Variants in SYCP1 observed in about 807,000 individuals in gnomAD.
The protein encoded by SYCP1 is synaptonemal complex protein 1.
SYCP1 carries 64 observed loss-of-function variants against 153.1 expected under a neutral mutation model. The observed-to-expected ratio is 0.42, with a 90% CI of 0.34 to 0.51. SYCP1 has a LOEUF of 0.51. Among genes scored for constraint, SYCP1 ranks in the 20% least tolerant of loss-of-function variants. The pLI, the probability that SYCP1 is intolerant of heterozygous loss-of-function variation, is 0.06. For missense variants in SYCP1, 997 were observed against 1,049.0 expected (o/e 0.95, Z 0.68); for synonymous variants, 384 against 341.8 (o/e 1.12, Z -1.36).
At chr1:114,872,148 C>T (rs951656654) in intron 8 of SYCP1, among the ~76,000 whole-genome samples, 1 of 151,354 alleles carries the variant, frequency 6.6e-6, no homozygotes, top group Non-Finnish European at 1.5e-5. Flanking sequence ...AGCTGTTGCT[C>T]TTTTTTTTCT....
At chr1:114,914,340 A>T (rs1363569920) in intron 20 of SYCP1, among the ~76,000 whole-genome samples, 1 of 151,904 alleles carries the variant, frequency 6.6e-6, no homozygotes. Context: ...AAAATATAGA[A>T]ATCTTAAAAA....
At chr1:114,930,074 T>C (rs1408734253) in intron 23 of SYCP1, among the ~76,000 whole-genome samples, 1 of 151,944 alleles carries the variant, frequency 6.6e-6, no homozygotes, top group Non-Finnish European at 1.5e-5. Context: ...GAATTAAACA[T>C]CAGACTAATA....
intron 17 of SYCP1, among the ~76,000 whole-genome samples, chr1:114,911,122 A>G (rs995654478): frequency 2.0e-5 from 3 of 151,914 alleles, no homozygotes; most frequent in Admixed American, 6.6e-5. Flanking sequence ...TATAATAATA[A>G]GAACATTTTA....
chr1:114,896,726 G>A (rs1667082730), intron 16 of SYCP1, among the ~76,000 whole-genome samples: 1 of 152,198 alleles, frequency 6.6e-6, no homozygotes, highest in Non-Finnish European at 1.5e-5. Context: ...TTTGTTGAAT[G>A]AATACTAAAG....
intron 27 of SYCP1, among the ~76,000 whole-genome samples, chr1:114,965,070 G>A (rs192482450): frequency 1.3e-5 from 2 of 152,162 alleles, no homozygotes; most frequent in South Asian, 2.1e-4. Flanking sequence ...CCTTGAAGAG[G>A]TCCTTCACAT....
intron 12 of SYCP1, among the ~76,000 whole-genome samples, chr1:114,880,303 T>C (rs183451396): frequency 6.6e-6 from 1 of 152,340 alleles, no homozygotes; most frequent in East Asian, 1.9e-4. Context: ...CATTCCCTTC[T>C]TCCTGCAGCT....
At chr1:114,962,275 T>G (rs1671830723) in intron 27 of SYCP1, among the ~76,000 whole-genome samples, 1 of 152,104 alleles carries the variant, frequency 6.6e-6, no homozygotes, top group Admixed American at 6.6e-5. Flanking sequence ...TGTGAGCCAC[T>G]GCACCCAACA....
At chr1:114,970,468 T>C (rs1203875143) in intron 27 of SYCP1, among the ~76,000 whole-genome samples, 1 of 152,184 alleles carries the variant, frequency 6.6e-6, no homozygotes, top group Non-Finnish European at 1.5e-5. Context: ...GTGTGATCTT[T>C]TGATGGTGTT....
At chr1:114,885,391 T>C in intron 12 of SYCP1, 144 bp from the exon 13 acceptor site, 1 of 484,364 alleles carries the variant, frequency 2.1e-6, no homozygotes, top group Non-Finnish European at 3.7e-6. Context: ...GTGACCAATA[T>C]TTGTGTGTCT....
In SYCP1 at chr1:114,944,858, TG is replaced by T; in HGVS notation, c.2044-13del. On this transcript the variant is annotated splice_polypyrimidine_tract_variant and intron_variant, in intron 24 of 31. Transcript: ENST00000369522. ...TTTATTTTAAGAAACTTTTTTTTTT[TG>T]CTTATTTGATAGGTTGAGAAAGCAA... is the stretch of plus-strand genomic sequence containing the variant. The T allele has an allele frequency of 2.6e-6, 4 of 1,530,398 alleles. No homozygotes were observed. The highest frequency in any genetic ancestry group is 1.4e-5 in the African/African-American group (1 of 71,208). The allele number at this position is 1,530,398 out of a possible 1,614,324, so 94.8% of individuals were successfully genotyped here.
At chr1:114,994,847 C>A in intron 31 of SYCP1, 35 bp from the exon 32 acceptor site, 1 of 1,573,834 alleles carries the variant, frequency 6.4e-7, no homozygotes, top group Non-Finnish European at 8.6e-7. Flanking sequence ...AAAAATTAAA[C>A]ATGTTATGAT....
At chr1:114,860,574 C>T (rs1664300862) in intron 7 of SYCP1, among the ~76,000 whole-genome samples, 162 bp from the exon 8 acceptor site, 1 of 152,092 alleles carries the variant, frequency 6.6e-6, no homozygotes, top group South Asian at 2.1e-4. Context: ...AGTCAACCCA[C>T]TGTTTCTTCA....
intron 8 of SYCP1, among the ~76,000 whole-genome samples, chr1:114,870,982 C>A (rs1665074064): frequency 6.6e-6 from 1 of 152,092 alleles, no homozygotes; most frequent in African/African-American, 2.4e-5. Flanking sequence ...TTTAATTGAG[C>A]ATTTTATGTG....
At chr1:114,951,086 A>G (rs1671079607) in intron 27 of SYCP1, among the ~76,000 whole-genome samples, 1 of 152,144 alleles carries the variant, frequency 6.6e-6, no homozygotes, top group African/African-American at 2.4e-5. Context: ...AGCCCCCCAA[A>G]GTGCTGGGAT....
chr1:114,928,511 A>G (rs763297682), intron 23 of SYCP1, among the ~76,000 whole-genome samples: 19 of 152,228 alleles, frequency 1.2e-4, no homozygotes, highest in Non-Finnish European at 2.5e-4. Context: ...AATTTCTTCA[A>G]GTTGAAGGAA....
At chr1:114,994,653 T>C (rs1234842770) in intron 30 of SYCP1, 45 bp from the exon 31 acceptor site, 7 of 1,377,748 alleles carry the variant, frequency 5.1e-6, no homozygotes, top group East Asian at 2.4e-5. Flanking sequence ...AATATAATAT[T>C]AATGATGGTA....
intron 27 of SYCP1, among the ~76,000 whole-genome samples, chr1:114,966,933 C>T (rs1261694921): frequency 6.6e-6 from 1 of 152,156 alleles, no homozygotes; most frequent in Non-Finnish European, 1.5e-5. Flanking sequence ...GATTGGCCTT[C>T]CTCGGCCTCC....
In SYCP1 at chr1:114,981,319, CTTG is replaced by C. The variant is rs551340035; in HGVS notation, c.2383-11_2383-9del. 5 of 1,540,970 alleles carry C rather than the reference CTTG, an allele frequency of 3.2e-6. No individual in the cohort carries two copies. In the South Asian group the frequency reaches 6.1e-5, roughly 19 times the overall value. On this transcript the variant is annotated splice_polypyrimidine_tract_variant and intron_variant, in intron 28 of 31. Transcript: ENST00000369522. ...ACATTTAGTGATGGTTTTATTCATT[CTTG>C]TTGTTCAATGCAGAAAACACAAACA... is the stretch of plus-strand genomic sequence containing the variant.
intron 27 of SYCP1, among the ~76,000 whole-genome samples, chr1:114,952,541 A>G (rs2101851218): frequency 6.6e-6 from 1 of 152,268 alleles, no homozygotes; most frequent in Non-Finnish European, 1.5e-5. Context: ...TTATGGTGGA[A>G]GGGGAAGCAA....
Sources: gnomAD v4.1 joint callset for allele counts (sites outside exome capture counted in the v4.1 genomes callset) on GRCh38, gnomAD v4.1.1 for gene constraint, MANE v1.5 for transcripts, NCBI Gene and HGNC (gene_info 2026-07-23, HGNC 2026-07-21) for gene names.